The following UNC13A variants were observed in gnomAD, a reference collection of about 807,000 sequenced individuals.
The protein encoded by UNC13A is unc-13 homolog A.
Under a neutral mutation model 219.7 loss-of-function variants are expected in UNC13A, and 61 were observed. That is an observed-to-expected ratio of 0.28 (90% CI 0.23 to 0.34). UNC13A has a LOEUF of 0.34. UNC13A is among the 10% of genes least tolerant of loss of function. The pLI, the probability that UNC13A is intolerant of heterozygous loss-of-function variation, is 1.00. For synonymous variants in UNC13A, 920 were observed against 884.6 expected (o/e 1.04, Z -0.71); for missense variants, 1,476 against 2,270.3 (o/e 0.65, Z 7.11).
Position 17,660,532 on chromosome 19 carries a change from T to G in UNC13A, c.560-2263A>C, listed in dbSNP as rs1026239018. ...TTTGTTTTGTTTGTTTGTTGGTTTT[T>G]GGGTTTTTTTTTTTTTTGAGACAGA... On this transcript the variant is annotated intron_variant, in intron 8 of 43. Coordinates refer to ENST00000519716, the MANE Select transcript of UNC13A (RefSeq NM_001080421.3). Among the ~76,000 whole-genome samples, 5 of 107,756 alleles carry G rather than the reference T, an allele frequency of 4.6e-5. No individual in the cohort carries two copies. In the East Asian group the frequency reaches 6.5e-4, roughly 14 times the overall value. The allele number at this position is 107,756 out of a possible 152,430, so 70.7% of individuals were successfully genotyped here.
rs374140474 is a variant in UNC13A, at chr19:17,648,620, C to A, written c.1627G>T (p.Ala543Ser). ...GTGCACGAGATGGGGTAGATTAAGG[C>A]TTGCAGGGTCTTCTTGTAAACGTGG... Reference protein sequence around the residue: ...KNHVYKKTLQALIYPISCTTP... With the variant: ...KNHVYKKTLQSLIYPISCTTP... The change falls in exon 16 of 44, where the codon GCC becomes TCC. Residue 543 changes from alanine to serine, a missense_variant. Coordinates refer to ENST00000519716, the MANE Select transcript of UNC13A (RefSeq NM_001080421.3). The A allele has an allele frequency of 5.0e-6, 8 of 1,609,982 alleles. No individual in the cohort carries two copies. The African/African-American group carries it at 9.3e-5, about 19-fold the overall frequency.
chr19:17,668,289 G>A, intron 5 of UNC13A, 99 bp from the exon 6 acceptor site: 1 of 1,187,328 alleles, frequency 8.4e-7, no homozygotes, highest in Non-Finnish European at 1.2e-6. Context: ...CTGGCTTCTG[G>A]GGTCTTTGGC....
rs1181321218 is a variant in UNC13A at position 17,668,247 on chromosome 19, A to G, written c.395-57T>C. On this transcript the variant is annotated intron_variant, in intron 5 of 43. Coordinates refer to ENST00000519716, the MANE Select transcript of UNC13A (RefSeq NM_001080421.3). ...AGACCCTCCCTGCCGCTCAGCCTCC[A>G]TCCTCCAGGCCTACTGAGCTCCACC... is the stretch of plus-strand genomic sequence containing the variant. The G allele has an allele frequency of 2.0e-6, 3 of 1,486,092 alleles. No individual in the cohort carries two copies. In the South Asian group the frequency reaches 3.5e-5, roughly 17 times the overall value. The allele number at this position is 1,486,092 out of a possible 1,614,324, so 92.1% of individuals were successfully genotyped here. A position where few individuals can be genotyped will look rare whatever the true frequency, so the allele number is the denominator to read the frequency against.
intron 43 of UNC13A, among the ~76,000 whole-genome samples, chr19:17,609,192 A>ACTCCTGACCTCAGGTGATCTGT (rs1051671115): frequency 2.9e-5 from 4 of 140,236 alleles, no homozygotes; most frequent in African/African-American, 1.1e-4. Context: ...CTGGTCTTGA[A>ACTCCTGACCTCAGGTGATCTGT]CTCCTGACCT....
chr19:17,661,064 A>C (rs1459619743), intron 8 of UNC13A, among the ~76,000 whole-genome samples: 2 of 150,660 alleles, frequency 1.3e-5, no homozygotes, highest in African/African-American at 2.4e-5. Context: ...TCAGCCTCCC[A>C]AATAGCTGGG....
At chr19:17,680,715 AATG>A (rs2145927111) in intron 1 of UNC13A, among the ~76,000 whole-genome samples, 1 of 151,798 alleles carries the variant, frequency 6.6e-6, no homozygotes, top group African/African-American at 2.4e-5. Context: ...CCTTCTGCAG[AATG>A]ATTATAGTGT....
At chr19:17,659,460 A>T (rs897457282) in intron 8 of UNC13A, among the ~76,000 whole-genome samples, 1 of 149,906 alleles carries the variant, frequency 6.7e-6, no homozygotes, top group African/African-American at 2.5e-5. Context: ...AAAATAAAAT[A>T]AAAGTAAAGT....
chr19:17,620,599 G>A (rs1489251315), intron 38 of UNC13A, 94 bp downstream of exon 38: 39 of 1,211,372 alleles, frequency 3.2e-5, no homozygotes, highest in East Asian at 2.3e-4. Context: ...GTACGCCCTC[G>A]GACGGCACGA....
intron 1 of UNC13A, among the ~76,000 whole-genome samples, chr19:17,676,881 G>A (rs1340611497): frequency 3.9e-5 from 6 of 152,164 alleles, no homozygotes; most frequent in African/African-American, 1.4e-4. Context: ...AGGTGTGGTG[G>A]CAGGCGCCTA....
intron 1 of UNC13A, among the ~76,000 whole-genome samples, chr19:17,684,358 C>A (rs2080070911): frequency 6.6e-6 from 1 of 152,114 alleles, no homozygotes; most frequent in Non-Finnish European, 1.5e-5. Context: ...CCTCCCTCAT[C>A]TCTTTCATTC....
intron 8 of UNC13A, among the ~76,000 whole-genome samples, chr19:17,662,885 C>A (rs368413443): frequency 3.8e-4 from 57 of 150,914 alleles, no homozygotes; most frequent in African/African-American, 5.8e-4. Context: ...GTGCCACTGC[C>A]CTCCAGCCTG....
intron 12 of UNC13A, among the ~76,000 whole-genome samples, chr19:17,652,139 T>G (rs930366638): frequency 6.6e-6 from 1 of 152,162 alleles, no homozygotes. Flanking sequence ...TTTATTTGTT[T>G]GTTTATTTTT....
Position 17,614,796 on chromosome 19 carries a change from C to A in UNC13A, c.4558+2906G>T, listed in dbSNP as rs368711781. ...GCCTCAGGCTCCCATTCCACCCCCA[C>A]CCCCCGCCACCAGTCACATGCTCAG... is the stretch of plus-strand genomic sequence containing the variant. On this transcript the variant is annotated intron_variant, in intron 41 of 43. Transcript: ENST00000519716. Among the ~76,000 whole-genome samples the A allele has an allele frequency of 7.2e-5, 11 of 152,218 alleles. No homozygotes were observed. The East Asian group carries it at 1.5e-3, about 21-fold the overall frequency.
intron 17 of UNC13A, among the ~76,000 whole-genome samples, 174 bp downstream of exon 17, chr19:17,647,091 G>A (rs554357604): frequency 3.3e-5 from 5 of 152,346 alleles, no homozygotes; most frequent in South Asian, 4.1e-4. Context: ...ATGAACAGGC[G>A]TTTGGAGGCA....
At chr19:17,616,416 G>A in intron 41 of UNC13A, 1 of 691,386 alleles carries the variant, frequency 1.4e-6, no homozygotes, top group Non-Finnish European at 2.6e-6. Context: ...ACCCTTCTCA[G>A]GATAAATGTC....
intron 1 of UNC13A, among the ~76,000 whole-genome samples, chr19:17,678,025 T>C (rs1373618346): frequency 6.6e-6 from 1 of 152,156 alleles, no homozygotes; most frequent in African/African-American, 2.4e-5. Context: ...AACAGAATTG[T>C]GTTTCTATGG....
chr19:17,662,722 C>T (rs1249078433), intron 8 of UNC13A, among the ~76,000 whole-genome samples: 1 of 151,972 alleles, frequency 6.6e-6, no homozygotes, highest in African/African-American at 2.4e-5. Flanking sequence ...AGATCGAGAC[C>T]CTCCTGGCTA....
intron 34 of UNC13A, among the ~76,000 whole-genome samples, chr19:17,625,852 T>C (rs1183268538): frequency 6.6e-6 from 1 of 151,140 alleles, no homozygotes; most frequent in Non-Finnish European, 1.5e-5. Flanking sequence ...CATTCATCCA[T>C]CCACCCATCT....
intron 1 of UNC13A, among the ~76,000 whole-genome samples, chr19:17,679,524 G>A (rs1216283535): frequency 6.6e-6 from 1 of 150,872 alleles, no homozygotes; most frequent in East Asian, 1.9e-4. Context: ...AAGTAGGGAT[G>A]CATATGGGGG....
Sources: allele counts gnomAD v4.1 joint callset (sites outside exome capture counted in the v4.1 genomes callset), GRCh38; gene constraint gnomAD v4.1.1; transcripts MANE v1.5; gene names NCBI Gene and HGNC (gene_info 2026-07-23, HGNC 2026-07-21).